Variants in FAM186A observed in about 807,000 individuals in gnomAD.
The protein encoded by FAM186A is protein FAM186A.
A neutral mutation model predicts 216.8 loss-of-function variants in FAM186A; 163 were observed. The ratio of observed to expected loss-of-function variants is 0.75; its 90% confidence interval spans 0.66 to 0.86. The LOEUF (loss-of-function observed/expected upper bound fraction) is 0.86. Ranked by LOEUF, FAM186A falls within the 40% of genes least tolerant of loss-of-function variation. The probability of loss-of-function intolerance (pLI) is 0.00; values close to 1 mark genes in which losing one functional copy is unlikely to be tolerated. For missense variants in FAM186A, 2,184 were observed against 2,746.2 expected, an observed-to-expected ratio of 0.80 and a Z score of 4.58; for synonymous variants, 805 against 1,025.3, an observed-to-expected ratio of 0.79 and a Z score of 4.10.
intron 3 of FAM186A, 90 bp from the exon 4 acceptor site, chr12:50,356,338 A>G (rs1942977413): frequency 9.9e-7 from 1 of 1,011,862 alleles, no homozygotes; most frequent in African/African-American, 1.6e-5. Context: ...TTTAGCCTAG[A>G]TTAACTATAA....
intron 1 of FAM186A, among the ~76,000 whole-genome samples, chr12:50,375,953 G>A (rs898060821): frequency 6.6e-6 from 1 of 151,990 alleles, no homozygotes; most frequent in Non-Finnish European, 1.5e-5. Flanking sequence ...ATGGAGCACC[G>A]AGGGGTGTGT....
At position 50,354,365 on chromosome 12, in the gene FAM186A, G is replaced by A; in HGVS notation, c.2467C>T (p.Gln823Ter). ...KDHKEKEKQR[Q>*]EQYLQEGQEQ... ...TGACCCTCTTGCAAATATTGCTCCT[G>A]CCTTTGTTTTTCCTTCTCCTTGTGG... Residue 823 changes from glutamine to a stop codon, truncating the protein, a stop_gained, in exon 4 of 8, where the codon CAG becomes TAG. Transcript: ENST00000327337. LOFTEE classifies it high-confidence loss of function. The A allele has an allele frequency of 1.9e-6, 3 of 1,551,552 alleles. No homozygotes were observed. The highest frequency in any genetic ancestry group is 2.6e-6 in the Non-Finnish European group (3 of 1,147,000).
At position 50,353,437 on chromosome 12, in the gene FAM186A, C is replaced by T. The variant is rs1565885947; in HGVS notation, c.3395G>A (p.Gly1132Glu). The T allele has an allele frequency of 1.0e-5, 16 of 1,529,080 alleles. No individual in the cohort carries two copies. The highest frequency in any genetic ancestry group is 1.4e-5 in the Non-Finnish European group (16 of 1,136,560). 94.7% of individuals were successfully genotyped at this position (1,529,080 alleles called of 1,614,324 possible). A position where few individuals can be genotyped will look rare whatever the true frequency, so the allele number is the denominator to read the frequency against. The change falls in exon 4 of 8, where the codon GGG becomes GAG. Residue 1132 changes from glycine (G) to glutamate (E), a missense_variant. Gly to Glu is a moderately conservative substitution (Grantham distance 98, BLOSUM62 -2). Coordinates refer to ENST00000327337, the MANE Select transcript of FAM186A (RefSeq NM_001145475.3). ...LFTPQQAQAL[G>E]IPLTPQQTQV... is the part of the protein sequence containing the mutation. ...GGTCTGCTGAGGGGTGAGAGGGATC[C>T]CCAGGGCCTGCGCCTGCTGAGGGGT...
In FAM186A at chr12:50,350,901, C is replaced by T. The variant is rs1382177771; in HGVS notation, c.5931G>A (p.Lys1977=). Residue 1977 remains lysine, a synonymous_variant, in exon 4 of 8, where the codon AAG becomes AAA. Coordinates refer to ENST00000327337, the MANE Select transcript of FAM186A (RefSeq NM_001145475.3). ...VLIHPSAPDF[K]VAQVPFTTKK... Reference sequence around the variant, plus strand: ...TAGTGGTGAAAGGAACTTGAGCTACCTTGAAATCTGGAGCACTAGGATGGA... The same window carrying T: ...TAGTGGTGAAAGGAACTTGAGCTACTTTGAAATCTGGAGCACTAGGATGGA... 1.3e-6 allele frequency: 2 copies of T among 1,551,572 alleles called. No individual in the cohort carries two copies. Among genetic ancestry groups the T allele is most frequent in the East Asian group, 2.4e-5 (1 of 40,926 alleles).
chr12:50,387,987 A>T (rs528597628), intron 1 of FAM186A, among the ~76,000 whole-genome samples: 1 of 151,500 alleles, frequency 6.6e-6, no homozygotes, highest in East Asian at 1.9e-4. Flanking sequence ...TGGGCACACC[A>T]CTCTCCAGGA....
chr12:50,344,467 T>C (rs1942793301), intron 4 of FAM186A, among the ~76,000 whole-genome samples: 1 of 152,216 alleles, frequency 6.6e-6, no homozygotes, highest in Admixed American at 6.5e-5. Context: ...TATGGCAGCA[T>C]AGTATTCCAT....
At chr12:50,378,741 A>G (rs764584437) in intron 1 of FAM186A, among the ~76,000 whole-genome samples, 5 of 151,870 alleles carry the variant, frequency 3.3e-5, no homozygotes, top group Admixed American at 6.6e-5. Flanking sequence ...AAATCATATC[A>G]CTAGTGGGAA....
chr12:50,377,670 T>C (rs1943210983), intron 1 of FAM186A, among the ~76,000 whole-genome samples: 1 of 151,296 alleles, frequency 6.6e-6, no homozygotes, highest in South Asian at 2.1e-4. Flanking sequence ...CTGTCTCTAC[T>C]AAAAATACAA....
At chr12:50,336,125 A>AG (rs1485237614) in intron 4 of FAM186A, among the ~76,000 whole-genome samples, 2 of 10,112 alleles carry the variant, frequency 2.0e-4, no homozygotes, top group Non-Finnish European at 0.04. Flanking sequence ...ACTCCATCTC[A>AG]AAAAAAAAAA....
Position 50,355,560 on chromosome 12 carries a change from A to AG in FAM186A, c.1271dup (p.Val425CysfsTer4). 6.4e-6 allele frequency: 10 copies of AG among 1,551,600 alleles called. No individual in the cohort carries two copies. Among genetic ancestry groups the AG allele is most frequent in the Non-Finnish European group, 8.7e-6 (10 of 1,146,940 alleles). On this transcript the variant is annotated frameshift_variant, in exon 4 of 8. Transcript: ENST00000327337. LOFTEE classifies it high-confidence loss of function. ...CTTCGGAAATATCTTCAGAAGCAACAGGTTGCTGTCGTAGTTCAGTTAAAT... is the reference window on the plus strand; with the variant it reads ...CTTCGGAAATATCTTCAGAAGCAACAGGGTTGCTGTCGTAGTTCAGTTAAAT...
chr12:50,369,494 C>T (rs1230970517), intron 1 of FAM186A, among the ~76,000 whole-genome samples: 1 of 19,472 alleles, frequency 5.1e-5, no homozygotes, highest in Admixed American at 8.6e-4. Context: ...GAGACTCCGT[C>T]TCAAAAAAAA....
intron 3 of FAM186A, among the ~76,000 whole-genome samples, chr12:50,357,713 A>C (rs527667281): frequency 5.3e-5 from 8 of 152,170 alleles, no homozygotes; most frequent in Non-Finnish European, 1.2e-4. Flanking sequence ...ACAAACAGGG[A>C]AAGTTTGCAA....
chr12:50,352,215 C>T lies in FAM186A; in HGVS notation c.4617G>A (p.Leu1539=). Reference sequence around the variant, plus strand: ...CCTGCTGAGGGGTGAGAGGGATCCCCAATTCCTGAGCCTGCGGAGGGATCA... The same window carrying T: ...CCTGCTGAGGGGTGAGAGGGATCCCTAATTCCTGAGCCTGCGGAGGGATCA... ...IPLIPPQAQE[L]GIPLTPQQVQ... is the part of the protein sequence containing the mutation. Residue 1539 remains leucine (L), a synonymous_variant, in exon 4 of 8, where the codon TTG becomes TTA. Coordinates refer to ENST00000327337, the MANE Select transcript of FAM186A (RefSeq NM_001145475.3). 6.6e-7 allele frequency: 1 copy of T among 1,517,254 alleles called. No individual in the cohort carries two copies. The highest frequency in any genetic ancestry group is 1.2e-5 in the South Asian group (1 of 82,148). The allele number at this position is 1,517,254 out of a possible 1,614,324, so 94.0% of individuals were successfully genotyped here. A position where few individuals can be genotyped will look rare whatever the true frequency, so the allele number is the denominator to read the frequency against.
intron 1 of FAM186A, among the ~76,000 whole-genome samples, chr12:50,372,824 C>T (rs1197512619): frequency 6.7e-6 from 1 of 149,522 alleles, no homozygotes; most frequent in African/African-American, 2.5e-5. Context: ...TTGCTTGAAC[C>T]CCGGAGGCAG....
At chr12:50,348,372 T>C (rs982719687) in intron 4 of FAM186A, among the ~76,000 whole-genome samples, 2 of 151,492 alleles carry the variant, frequency 1.3e-5, no homozygotes, top group Non-Finnish European at 2.9e-5. Flanking sequence ...GGTTTCACCA[T>C]GTTGGCCAGC....
At chr12:50,372,322 A>G (rs1353858680) in intron 1 of FAM186A, among the ~76,000 whole-genome samples, 3 of 151,948 alleles carry the variant, frequency 2.0e-5, no homozygotes, top group Non-Finnish European at 4.4e-5. Context: ...CGCCAGGTGC[A>G]GTGGCTCAAG....
intron 1 of FAM186A, among the ~76,000 whole-genome samples, chr12:50,392,765 ATTTTT>A (rs71083559): frequency 7.8e-4 from 92 of 118,470 alleles, no homozygotes; most frequent in Middle Eastern, 6.0e-3. Flanking sequence ...CACTTGGCTA[ATTTTT>A]TTTTTTTTTT....
chr12:50,387,223 C>G (rs7976860), intron 1 of FAM186A, among the ~76,000 whole-genome samples: 5,561 of 152,252 alleles, frequency 0.037, 345 homozygotes, highest in African/African-American at 0.13. Flanking sequence ...AACTTCTGAC[C>G]AATCAATTTC....
rs1463896754 is a variant in FAM186A at position 50,334,560 on chromosome 12, C to G, written c.6504-457G>C. Reference sequence around the variant, plus strand: ...TGGTGTGATCTTGACTCACTGCAACCTCTGCCTCATGGGTTCAAGCGATTC... The same window carrying G: ...TGGTGTGATCTTGACTCACTGCAACGTCTGCCTCATGGGTTCAAGCGATTC... On this transcript the variant is annotated intron_variant, in intron 4 of 7. Transcript: ENST00000327337. 2.6e-5 allele frequency among the ~76,000 whole-genome samples: 4 copies of G among 152,084 alleles called. 1 individual carries two copies. In the East Asian group the frequency reaches 7.7e-4, roughly 29 times the overall value.
Sources: gnomAD v4.1 joint callset for allele counts (sites outside exome capture counted in the v4.1 genomes callset) on GRCh38, gnomAD v4.1.1 for gene constraint, MANE v1.5 for transcripts, NCBI Gene and HGNC (gene_info 2026-07-23, HGNC 2026-07-21) for gene names.